ANKRD30A: variants seen among roughly 807,000 people sequenced by gnomAD.
ANKRD30A encodes ankyrin repeat domain 30A.
ANKRD30A carries 170 observed loss-of-function variants against 166.3 expected under a neutral mutation model. That is an observed-to-expected ratio of 1.02 (90% CI 0.90 to 1.16). The LOEUF is 1.16. Ranked by LOEUF, ANKRD30A falls within the 50% of genes most tolerant of loss-of-function variation. The pLI is 0.00. For synonymous variants in ANKRD30A, 564 were observed against 508.9 expected (o/e 1.11, Z -1.46); for missense variants, 1,630 against 1,518.0 (o/e 1.07, Z -1.23).
At position 37,200,493 on chromosome 10, in the gene ANKRD30A, C is replaced by T. The variant is rs148059672; in HGVS notation, c.2778+705C>T. ...CGGAAAGACATAGAAAGTATCTGACCTCTTAGAAACAAGCAGCTGCTGCCT... is the reference window on the plus strand; with the variant it reads ...CGGAAAGACATAGAAAGTATCTGACTTCTTAGAAACAAGCAGCTGCTGCCT... On this transcript the variant is annotated intron_variant, in intron 30 of 35. Transcript: ENST00000361713. 3.3e-3 allele frequency among the ~76,000 whole-genome samples: 504 copies of T among 152,114 alleles called. 3 individuals are homozygous for T. Among genetic ancestry groups the T allele is most frequent in the African/African-American group, 0.012 (494 of 41,514 alleles).
At position 37,219,798 on chromosome 10, in the gene ANKRD30A, A is replaced by G. The variant is rs564551800; in HGVS notation, c.4086A>G (p.Gln1362=). Residue 1362 remains glutamine, a synonymous_variant, in exon 34 of 36, where the codon CAA becomes CAG. Coordinates refer to ENST00000361713, the MANE Select transcript of ANKRD30A (RefSeq NM_052997.3). ...TTCATTTTCTTGAGAGGAAAATGCA[A>G]CATCATCTCCTAAAAGAGAAAAATG... ...IDIHFLERKM[Q]HHLLKEKNEE... is the part of the protein sequence containing the mutation. 1.9e-6 allele frequency: 3 copies of G among 1,606,592 alleles called. No individual in the cohort carries two copies. The highest frequency in any genetic ancestry group is 1.7e-5 in the Admixed American group (1 of 59,350).
At chr10:37,207,090 G>A (rs145405402) in intron 31 of ANKRD30A, among the ~76,000 whole-genome samples, 56 of 152,026 alleles carry the variant, frequency 3.7e-4, no homozygotes, top group Non-Finnish European at 6.9e-4. Context: ...TAAGTGAGAG[G>A]ATGCAAAAAA....
intron 25 of ANKRD30A, among the ~76,000 whole-genome samples, 156 bp downstream of exon 25, chr10:37,189,713 G>A (rs1564535963): frequency 1.3e-5 from 2 of 149,242 alleles, no homozygotes; most frequent in African/African-American, 2.5e-5. Flanking sequence ...GTCTCATCAG[G>A]CATTGGCAAC....
At chr10:37,256,709 G>A in the ANKRD30A span, among the ~76,000 whole-genome samples, 1 of 152,212 alleles carries the variant, frequency 6.6e-6, no homozygotes, top group Non-Finnish European at 1.5e-5. Flanking sequence ...TGAATAAATG[G>A]AAGTGTTTCT....
At chr10:37,165,903 G>A (rs1839289500) in intron 18 of ANKRD30A, among the ~76,000 whole-genome samples, 2 of 152,026 alleles carry the variant, frequency 1.3e-5, no homozygotes, top group South Asian at 4.1e-4. Flanking sequence ...ACAGCAAAGG[G>A]TGGAAGTCAA....
At chr10:37,179,036 A>G (rs1241116226) in intron 24 of ANKRD30A, among the ~76,000 whole-genome samples, 3 of 58,100 alleles carry the variant, frequency 5.2e-5, no homozygotes, top group African/African-American at 1.4e-4. Flanking sequence ...ATATATATAT[A>G]TATATATATA....
intron 15 of ANKRD30A, among the ~76,000 whole-genome samples, 170 bp from the exon 16 acceptor site, chr10:37,162,479 A>C (rs150868523): frequency 0.06 from 9,194 of 152,218 alleles, 396 homozygotes; most frequent in Middle Eastern, 0.11. Context: ...TCTTCAGTGT[A>C]TTCTTGTCGT....
Position 37,201,379 on chromosome 10 carries a change from G to T in ANKRD30A, c.2869+54G>T. 3 of 1,338,484 alleles carry T rather than the reference G, an allele frequency of 2.2e-6. No individual in the cohort carries two copies. The South Asian group carries it at 4.0e-5, about 18-fold the overall frequency. The allele number at this position is 1,338,484 out of a possible 1,614,324, so 82.9% of individuals were successfully genotyped here. On this transcript the variant is annotated intron_variant, in intron 31 of 35. Transcript: ENST00000361713. ...ATTTGACCAAGTATTTCTCTAAAAT[G>T]ATGAGGAAGGATATGCTCTAATAGC...
the ANKRD30A span, among the ~76,000 whole-genome samples, chr10:37,246,778 T>C: frequency 6.6e-6 from 1 of 152,190 alleles, no homozygotes; most frequent in East Asian, 1.9e-4. Flanking sequence ...ACATGTTGGA[T>C]GGGATGATTC....
At chr10:37,208,659 T>TACTA (rs1842117532) in intron 31 of ANKRD30A, among the ~76,000 whole-genome samples, 1 of 152,112 alleles carries the variant, frequency 6.6e-6, no homozygotes, top group South Asian at 2.1e-4. Context: ...AAAACCACCA[T>TACTA]ACTAAGTTTA....
chr10:37,205,011 C>G (rs1007364867), intron 31 of ANKRD30A, among the ~76,000 whole-genome samples: 1 of 152,058 alleles, frequency 6.6e-6, no homozygotes, highest in Non-Finnish European at 1.5e-5. Context: ...GGAGTGTAAA[C>G]TAGTTCAACC....
intron 6 of ANKRD30A, among the ~76,000 whole-genome samples, chr10:37,140,094 A>G (rs1469648359): frequency 6.6e-6 from 1 of 152,222 alleles, no homozygotes; most frequent in African/African-American, 2.4e-5. Flanking sequence ...AAGGAAAAAT[A>G]TATTCACTTT....
the ANKRD30A span, among the ~76,000 whole-genome samples, chr10:37,257,820 A>G: frequency 1.3e-5 from 2 of 152,210 alleles, no homozygotes. Context: ...TTGCAGGGAC[A>G]TGGATGAAAC....
intron 27 of ANKRD30A, among the ~76,000 whole-genome samples, chr10:37,196,140 AGG>A (rs1208640191): frequency 7.0e-6 from 1 of 143,292 alleles, no homozygotes; most frequent in African/African-American, 2.8e-5. Context: ...GGCAGGTAAC[AGG>A]GGACAAACAA....
chr10:37,142,250 A>T lies in ANKRD30A; in HGVS notation c.1353A>T (p.Ala451=). The change falls in exon 7 of 36, where the codon GCA becomes GCT. Residue 451 remains alanine (A), a synonymous_variant. Transcript: ENST00000361713. Reference sequence around the variant, plus strand: ...AAAAAGGAAGATCTAAGATGATTGCATGTCCTACAAAAGAATCATCTACAA... The same window carrying T: ...AAAAAGGAAGATCTAAGATGATTGCTTGTCCTACAAAAGAATCATCTACAA... The part of the protein sequence containing the change: ...VLEKGRSKMI[A]CPTKESSTKA... The T allele has an allele frequency of 1.2e-6, 2 of 1,601,676 alleles. No homozygotes were observed. The highest frequency in any genetic ancestry group is 1.7e-6 in the Non-Finnish European group (2 of 1,177,026).
At chr10:37,216,473 T>A in intron 32 of ANKRD30A, 79 bp downstream of exon 32, 1 of 1,358,394 alleles carries the variant, frequency 7.4e-7, no homozygotes, top group African/African-American at 1.5e-5. Flanking sequence ...AATAGCTGAC[T>A]TACCTTCTGA....
At chr10:37,249,329 A>G in the ANKRD30A span, among the ~76,000 whole-genome samples, 1 of 152,160 alleles carries the variant, frequency 6.6e-6, no homozygotes, top group Admixed American at 6.5e-5. Context: ...ATGGCAAAAT[A>G]TGACCCATTT....
At chr10:37,133,866 A>G (rs747680890) in intron 4 of ANKRD30A, 50 bp from the exon 5 acceptor site, 2 of 1,595,864 alleles carry the variant, frequency 1.3e-6, no homozygotes, top group African/African-American at 2.7e-5. Context: ...ACAGGCACAT[A>G]TTAAATTGGT....
At chr10:37,201,148 A>C in intron 30 of ANKRD30A, 87 bp from the exon 31 acceptor site, 1 of 1,121,502 alleles carries the variant, frequency 8.9e-7, no homozygotes, top group Non-Finnish European at 1.2e-6. Context: ...ACTTTTTTTT[A>C]AAAAAAGATT....
Sources: allele counts gnomAD v4.1 joint callset (sites outside exome capture counted in the v4.1 genomes callset), GRCh38; gene constraint gnomAD v4.1.1; transcripts MANE v1.5; gene names NCBI Gene and HGNC (gene_info 2026-07-23, HGNC 2026-07-21).